Variants in NRXN3 observed in about 807,000 individuals in gnomAD.
The protein encoded by NRXN3 is neurexin III.
NRXN3 carries 32 observed loss-of-function variants against 137.6 expected under a neutral mutation model. The ratio of observed to expected loss-of-function variants is 0.23; its 90% confidence interval spans 0.18 to 0.31. The LOEUF is 0.31. NRXN3 is among the 10% of genes least tolerant of loss of function. The probability of loss-of-function intolerance (pLI) is 1.00; values close to 1 mark genes in which losing one functional copy is unlikely to be tolerated. For missense variants in NRXN3, 1,574 were observed against 2,062.5 expected (o/e 0.76, Z 4.59); for synonymous variants, 798 against 784.5 (o/e 1.02, Z -0.29).
chr14:78,359,128 A>G (rs1044463652), intron 4 of NRXN3, among the ~76,000 whole-genome samples: 1 of 152,142 alleles, frequency 6.6e-6, no homozygotes, highest in African/African-American at 2.4e-5. Context: ...TTTTTTCCAG[A>G]TAGAATTTAT....
intron 15 of NRXN3, among the ~76,000 whole-genome samples, chr14:79,406,122 A>T (rs867084535): frequency 6.6e-6 from 1 of 152,220 alleles, no homozygotes; most frequent in Admixed American, 6.5e-5. Flanking sequence ...TTATTTCCCT[A>T]TCACCATAGT....
chr14:79,828,651 C>G (rs1003933985), intron 20 of NRXN3, among the ~76,000 whole-genome samples: 1 of 110,720 alleles, frequency 9.0e-6, no homozygotes. Context: ...GTAAAATTGT[C>G]TTTTTTTTTT....
At chr14:78,334,058 A>T (rs748843986) in intron 4 of NRXN3, among the ~76,000 whole-genome samples, 55 of 152,164 alleles carry the variant, frequency 3.6e-4, no homozygotes, top group Non-Finnish European at 7.6e-4. Context: ...CAAGGTATTT[A>T]TCCTAAGCAG....
intron 1 of NRXN3, among the ~76,000 whole-genome samples, chr14:78,214,401 C>G (rs2153416170): frequency 6.6e-6 from 1 of 152,276 alleles, no homozygotes; most frequent in African/African-American, 2.4e-5. Context: ...GCCTTGGTGG[C>G]ATTTGTTACA....
rs76206693 is a variant in NRXN3, at chr14:78,780,706, T to C, written c.2045-22914T>C. Among the ~76,000 whole-genome samples, 867 of 152,260 alleles carry C rather than the reference T, an allele frequency of 5.7e-3. 7 individuals carry two copies. The highest frequency in any genetic ancestry group is 0.032 in the East Asian group (168 of 5,186). The stretch of plus-strand genomic sequence containing the variant: ...AGTTAACATATAACACATAAAAGCA[T>C]GTATAGCCACACTAGAACCTTGAGA... On this transcript the variant is annotated intron_variant, in intron 8 of 20. Coordinates refer to ENST00000335750, the MANE Select transcript of NRXN3 (RefSeq NM_001330195.2).
chr14:78,173,709 C>CTTTTTTCTTTTTTT (rs769368523), intron 1 of NRXN3, among the ~76,000 whole-genome samples: 1 of 69,358 alleles, frequency 1.4e-5, no homozygotes. Context: ...TTTTTCCTTG[C>CTTTTTTCTTTTTTT]TTTTTTTTTT....
At chr14:78,551,529 C>A (rs1202318484) in intron 4 of NRXN3, among the ~76,000 whole-genome samples, 3 of 151,946 alleles carry the variant, frequency 2.0e-5, no homozygotes, top group African/African-American at 4.8e-5. Context: ...CTTTCTCCCC[C>A]CTTCTCTAGT....
intron 17 of NRXN3, among the ~76,000 whole-genome samples, chr14:79,666,402 C>G (rs2098557145): frequency 6.6e-6 from 1 of 152,062 alleles, no homozygotes; most frequent in Non-Finnish European, 1.5e-5. Flanking sequence ...GATTACCAAT[C>G]ATTTGGCTAG....
At chr14:79,694,449 T>C (rs760536400) in intron 18 of NRXN3, among the ~76,000 whole-genome samples, 1 of 151,978 alleles carries the variant, frequency 6.6e-6, no homozygotes, top group Non-Finnish European at 1.5e-5. Context: ...CTACCAGTGT[T>C]TGTTATAACC....
At chr14:78,388,337 A>G (rs1475494843) in intron 4 of NRXN3, among the ~76,000 whole-genome samples, 1 of 152,178 alleles carries the variant, frequency 6.6e-6, no homozygotes, top group African/African-American at 2.4e-5. Context: ...GTAGTGAGCC[A>G]TTGTCTTAGT....
chr14:78,225,960 TGTGTGTGTGTGTTG>T (rs2064520476), intron 1 of NRXN3, among the ~76,000 whole-genome samples: 2 of 132,686 alleles, frequency 1.5e-5, no homozygotes, highest in African/African-American at 3.1e-5. Flanking sequence ...TTGGTGTGTG[TGTGTGTGTGTGTTG>T]GTGTGTGTGT....
chr14:79,416,609 A>G (rs2095500950), intron 15 of NRXN3, among the ~76,000 whole-genome samples: 1 of 152,130 alleles, frequency 6.6e-6, no homozygotes, highest in Non-Finnish European at 1.5e-5. Context: ...TTACTGCTGT[A>G]TGCCTTGTGA....
chr14:78,899,315 C>A (rs1213890488), intron 10 of NRXN3, among the ~76,000 whole-genome samples: 1 of 151,902 alleles, frequency 6.6e-6, no homozygotes, highest in African/African-American at 2.4e-5. Context: ...TGATTGGGAG[C>A]CTTGTGTTCT....
In NRXN3 at chr14:79,689,210, T is replaced by G. The variant is rs2098706885; in HGVS notation, c.3617-2963T>G. Among the ~76,000 whole-genome samples, 3 of 152,232 alleles carry G rather than the reference T, an allele frequency of 2.0e-5. No individual in the cohort carries two copies. In the South Asian group the frequency reaches 6.2e-4, roughly 32 times the overall value. On this transcript the variant is annotated intron_variant, in intron 17 of 20. Coordinates refer to ENST00000335750, the MANE Select transcript of NRXN3 (RefSeq NM_001330195.2). The stretch of plus-strand genomic sequence containing the variant: ...TTAAATGTACATACTTGTTGCTATA[T>G]GAAATATATGACTGAATATCATTAA...
At chr14:79,167,217 C>T (rs1379762464) in intron 15 of NRXN3, among the ~76,000 whole-genome samples, 1 of 152,000 alleles carries the variant, frequency 6.6e-6, no homozygotes, top group African/African-American at 2.4e-5. Context: ...TCAAACTTCC[C>T]ACAATAGCCT....
chr14:79,452,740 G>C (rs1450275433), intron 15 of NRXN3, among the ~76,000 whole-genome samples: 5 of 152,216 alleles, frequency 3.3e-5, no homozygotes, highest in Admixed American at 3.3e-4. Flanking sequence ...TTTGAAATAT[G>C]TGTAATTAGG....
chr14:79,749,511 C>T (rs757310254), intron 19 of NRXN3, among the ~76,000 whole-genome samples: 11 of 151,886 alleles, frequency 7.2e-5, no homozygotes, highest in South Asian at 6.3e-4. Context: ...AAGTGATCCT[C>T]CAGCCTTGGC....
chr14:79,724,985 G>T (rs1004877270), intron 19 of NRXN3, among the ~76,000 whole-genome samples: 3 of 152,148 alleles, frequency 2.0e-5, no homozygotes, highest in African/African-American at 4.8e-5. Context: ...ATCAAATGAG[G>T]AAGCAGAAAG....
At chr14:78,914,890 A>T (rs1567689831) in intron 10 of NRXN3, among the ~76,000 whole-genome samples, 1 of 152,104 alleles carries the variant, frequency 6.6e-6, no homozygotes. Context: ...TTGACACAAA[A>T]CAAGCAAGCA....
Sources: gnomAD v4.1 joint callset for allele counts (sites outside exome capture counted in the v4.1 genomes callset) on GRCh38, gnomAD v4.1.1 for gene constraint, MANE v1.5 for transcripts, NCBI Gene and HGNC (gene_info 2026-07-23, HGNC 2026-07-21) for gene names.